The following PIGL variants were observed in gnomAD, a reference collection of about 807,000 sequenced individuals.
PIGL encodes phosphatidylinositol glycan anchor biosynthesis class L, also known as N-acetylglucosaminyl-phosphatidylinositol de-N-acetylase.
Under a neutral mutation model 31.1 loss-of-function variants are expected in PIGL, and 22 were observed. The ratio of observed to expected loss-of-function variants is 0.71; its 90% confidence interval spans 0.51 to 1.01. PIGL has a LOEUF of 1.01. Ranked by LOEUF, PIGL falls within the 50% of genes least tolerant of loss-of-function variation. The pLI, the probability that PIGL is intolerant of heterozygous loss-of-function variation, is 0.00. For missense variants in PIGL, 302 were observed against 315.9 expected, an observed-to-expected ratio of 0.96 and a Z score of 0.33; for synonymous variants, 131 against 117.4, an observed-to-expected ratio of 1.12 and a Z score of -0.75.
At chr17:16,224,254 A>C (rs2092641924) in intron 1 of PIGL, among the ~76,000 whole-genome samples, 1 of 152,064 alleles carries the variant, frequency 6.6e-6, no homozygotes. Context: ...ATATTATAGA[A>C]GCGCTATTAT....
intron 1 of PIGL, among the ~76,000 whole-genome samples, chr17:16,232,497 C>T (rs894091871): frequency 8.5e-5 from 13 of 152,116 alleles, no homozygotes; most frequent in Non-Finnish European, 1.9e-4. Flanking sequence ...TGGTCCTTGA[C>T]TTCAGCTTCC....
chr17:16,251,838 A>G (rs1353610339), intron 2 of PIGL, among the ~76,000 whole-genome samples: 1 of 152,062 alleles, frequency 6.6e-6, no homozygotes, highest in Admixed American at 6.6e-5. Context: ...ATTTGTGGAC[A>G]GCTATTTCAT....
intron 4 of PIGL, 123 bp downstream of exon 4, chr17:16,313,737 CT>C: frequency 1.3e-6 from 1 of 780,442 alleles, no homozygotes; most frequent in East Asian, 2.5e-5. Context: ...GCTGGCTTAT[CT>C]TCTAGCCCTT....
chr17:16,293,731 T>C (rs1180530689), intron 2 of PIGL, among the ~76,000 whole-genome samples: 1 of 152,236 alleles, frequency 6.6e-6, no homozygotes, highest in African/African-American at 2.4e-5. Context: ...AATTGTTCAT[T>C]GACTTGAGTT....
chr17:16,277,960 C>T (rs996683921), intron 2 of PIGL, among the ~76,000 whole-genome samples: 8 of 152,112 alleles, frequency 5.3e-5, no homozygotes, highest in Non-Finnish European at 7.3e-5. Flanking sequence ...GAAAGCCAAG[C>T]GCCATTTCAT....
chr17:16,294,542 G>A (rs990954706), intron 2 of PIGL, among the ~76,000 whole-genome samples: 7 of 152,242 alleles, frequency 4.6e-5, no homozygotes, highest in Admixed American at 1.3e-4. Context: ...GACAGTGAGA[G>A]GCAGGTGGCC....
chr17:16,230,091 GA>G (rs2092672289), intron 1 of PIGL, among the ~76,000 whole-genome samples: 1 of 152,004 alleles, frequency 6.6e-6, no homozygotes, highest in African/African-American at 2.4e-5. Context: ...TCAATCTCTT[GA>G]CCTCGTGATC....
At chr17:16,258,368 C>T (rs1331429325) in intron 2 of PIGL, among the ~76,000 whole-genome samples, 8 of 150,936 alleles carry the variant, frequency 5.3e-5, no homozygotes, top group South Asian at 2.1e-4. Flanking sequence ...TTAGTAGAGA[C>T]GGCATTTTGC....
intron 2 of PIGL, among the ~76,000 whole-genome samples, chr17:16,296,747 C>T (rs1053156853): frequency 2.0e-5 from 3 of 151,714 alleles, no homozygotes; most frequent in East Asian, 1.9e-4. Context: ...CTTGAAGTCT[C>T]GCTCTGTTGC....
rs146379835 is a variant in PIGL, at chr17:16,223,556, G to A, written c.235+6095G>A. ...CGCTCCACTGCACTTCAGCCTGAGC[G>A]ACAGAGCTAGACTCTATCTCAAAAA... is the stretch of plus-strand genomic sequence containing the variant. On this transcript the variant is annotated intron_variant, in intron 1 of 6. Coordinates refer to ENST00000225609, the MANE Select transcript of PIGL (RefSeq NM_004278.4). Among the ~76,000 whole-genome samples, 197 of 151,924 alleles carry A rather than the reference G, an allele frequency of 1.3e-3. 4 individuals carry two copies. In the East Asian group the frequency reaches 0.032, roughly 25 times the overall value.
intron 2 of PIGL, among the ~76,000 whole-genome samples, chr17:16,298,135 C>T (rs368068954): frequency 5.9e-5 from 9 of 152,072 alleles, no homozygotes; most frequent in South Asian, 2.1e-4. Flanking sequence ...GGGACCACTG[C>T]CATAAGGGGT....
chr17:16,273,515 G>A (rs1415843163), intron 2 of PIGL, among the ~76,000 whole-genome samples: 1 of 152,220 alleles, frequency 6.6e-6, no homozygotes, highest in Non-Finnish European at 1.5e-5. Flanking sequence ...TGACAACACT[G>A]TGGAAAGCAG....
In PIGL at chr17:16,326,091, A is replaced by C. The variant is rs2142885064; in HGVS notation, c.*193A>C. ...TCTTCCCCTGGGAAAAAACCCAAAG[A>C]ACCAAAAACAAACCACCCCAAGGAT... is the stretch of plus-strand genomic sequence containing the variant. On this transcript the variant is annotated 3_prime_UTR_variant, in exon 7 of 7. Coordinates refer to ENST00000225609, the MANE Select transcript of PIGL (RefSeq NM_004278.4). 2 of 568,994 alleles carry C rather than the reference A, an allele frequency of 3.5e-6. No individual in the cohort carries two copies. The highest frequency in any genetic ancestry group is 4.7e-5 in the South Asian group (2 of 42,848). 35.2% of individuals were successfully genotyped at this position (568,994 alleles called of 1,614,324 possible).
At chr17:16,278,502 G>A (rs903403736) in intron 2 of PIGL, among the ~76,000 whole-genome samples, 10 of 152,210 alleles carry the variant, frequency 6.6e-5, no homozygotes, top group African/African-American at 2.2e-4. Context: ...TTGTTAAAGA[G>A]CAGATTAGTG....
intron 3 of PIGL, among the ~76,000 whole-genome samples, chr17:16,301,254 G>A (rs1395574321): frequency 6.6e-6 from 1 of 151,212 alleles, no homozygotes; most frequent in Non-Finnish European, 1.5e-5. Context: ...CATCATGTCT[G>A]GCTAATTTCT....
intron 2 of PIGL, among the ~76,000 whole-genome samples, chr17:16,247,742 A>G (rs529888773): frequency 5.3e-4 from 80 of 152,260 alleles, no homozygotes; most frequent in African/African-American, 1.9e-3. Flanking sequence ...TAAGTCCAGC[A>G]GGCTTCTTTC....
Position 16,288,224 on chromosome 17 carries a change from G to A in PIGL, c.336-11664G>A, listed in dbSNP as rs182720843. Among the ~76,000 whole-genome samples the A allele has an allele frequency of 8.4e-3, 1,267 of 150,204 alleles. 11 individuals carry two copies. Among genetic ancestry groups the A allele is most frequent in the Non-Finnish European group, 0.013 (913 of 67,758 alleles). ...TCCTTTCTTTCTCTTTCTTTCTTTC[G>A]AGACGAAGTCTCACTCTTGTTGCCC... On this transcript the variant is annotated intron_variant, in intron 2 of 6. Coordinates refer to ENST00000225609, the MANE Select transcript of PIGL (RefSeq NM_004278.4).
At chr17:16,237,734 G>A (rs565085133) in intron 2 of PIGL, among the ~76,000 whole-genome samples, 1 of 150,302 alleles carries the variant, frequency 6.7e-6, no homozygotes, top group South Asian at 2.1e-4. Flanking sequence ...AGAAGGTGGA[G>A]GCTGCAGTGA....
chr17:16,324,895 C>G (rs1284323261), intron 6 of PIGL, among the ~76,000 whole-genome samples: 1 of 152,128 alleles, frequency 6.6e-6, no homozygotes, highest in Non-Finnish European at 1.5e-5. Flanking sequence ...ACAACTCACA[C>G]CTGTGTGCCA....
Sources: allele counts gnomAD v4.1 joint callset (sites outside exome capture counted in the v4.1 genomes callset), GRCh38; gene constraint gnomAD v4.1.1; transcripts MANE v1.5; gene names NCBI Gene and HGNC (gene_info 2026-07-23, HGNC 2026-07-21).